Variants in ALG5 observed in about 807,000 individuals in gnomAD.
The protein encoded by ALG5 is dolichyl-phosphate beta-glucosyltransferase.
ALG5 carries 26 observed loss-of-function variants against 51.8 expected under a neutral mutation model. The observed-to-expected ratio is 0.50, with a 90% CI of 0.37 to 0.70. The LOEUF (loss-of-function observed/expected upper bound fraction) is 0.70. Ranked by LOEUF, ALG5 falls within the 30% of genes least tolerant of loss-of-function variation. ALG5 has a pLI of 0.00. For missense variants in ALG5, 311 were observed against 399.3 expected (o/e 0.78, Z 1.88); for synonymous variants, 141 against 136.1 (o/e 1.04, Z -0.25).
chr13:36,983,936 G>A (rs948651529), intron 6 of ALG5, among the ~76,000 whole-genome samples: 3 of 151,160 alleles, frequency 2.0e-5, no homozygotes, highest in Non-Finnish European at 4.4e-5. Flanking sequence ...AATTTGGGGG[G>A]GCCTTATATG....
intron 6 of ALG5, among the ~76,000 whole-genome samples, chr13:36,977,246 G>T (rs1385406138): frequency 6.6e-6 from 1 of 152,192 alleles, no homozygotes; most frequent in Non-Finnish European, 1.5e-5. Flanking sequence ...AACTGCCCAT[G>T]TTAGAAAATG....
chr13:36,975,795 C>A (rs1159424250), intron 6 of ALG5, among the ~76,000 whole-genome samples: 1 of 151,912 alleles, frequency 6.6e-6, no homozygotes, highest in Non-Finnish European at 1.5e-5. Flanking sequence ...CCGAAGTGGG[C>A]ACATCACTTG....
intron 4 of ALG5, among the ~76,000 whole-genome samples, chr13:36,990,987 A>G (rs950616416): frequency 6.6e-6 from 1 of 152,240 alleles, no homozygotes; most frequent in South Asian, 2.1e-4. Context: ...ATCAGTTCAC[A>G]TAAGCCCTGT....
At chr13:36,985,342 A>G (rs1224046881) in intron 6 of ALG5, among the ~76,000 whole-genome samples, 5 of 152,192 alleles carry the variant, frequency 3.3e-5, no homozygotes, top group Non-Finnish European at 5.9e-5. Flanking sequence ...TAAAAGTCTT[A>G]ATTGAATATG....
At chr13:36,991,325 T>C (rs1415263547) in intron 4 of ALG5, among the ~76,000 whole-genome samples, 1 of 150,650 alleles carries the variant, frequency 6.6e-6, no homozygotes, top group Non-Finnish European at 1.5e-5. Context: ...CTAATAGCAA[T>C]GTGTACTACT....
chr13:36,982,873 G>A (rs2058986236), intron 6 of ALG5, among the ~76,000 whole-genome samples: 4 of 152,118 alleles, frequency 2.6e-5, no homozygotes, highest in Admixed American at 2.0e-4. Flanking sequence ...ATTGAGCTGG[G>A]ACACTTAAAT....
intron 1 of ALG5, 32 bp from the exon 2 acceptor site, chr13:36,995,628 CAG>C (rs2059046058): frequency 6.3e-7 from 1 of 1,577,310 alleles, no homozygotes; most frequent in African/African-American, 1.4e-5. Flanking sequence ...TTTTACAAAA[CAG>C]AAATTATGTT....
chr13:36,961,673 T>C (rs9532001), intron 8 of ALG5, among the ~76,000 whole-genome samples: 137,787 of 152,210 alleles, frequency 0.91, 62,533 homozygotes, highest in East Asian at 1. Context: ...TTACTTAAAA[T>C]TTTTTAATCT....
At chr13:36,975,814 C>T (rs897642997) in intron 6 of ALG5, among the ~76,000 whole-genome samples, 6 of 151,696 alleles carry the variant, frequency 4.0e-5, no homozygotes, top group South Asian at 2.1e-4. Flanking sequence ...TGAGACCAGG[C>T]GTTTGAGACC....
chr13:36,995,947 T>G (rs1374526696), intron 1 of ALG5, among the ~76,000 whole-genome samples: 2 of 152,126 alleles, frequency 1.3e-5, no homozygotes, highest in African/African-American at 2.4e-5. Flanking sequence ...ATCCTTAGCG[T>G]GTCTACATGC....
chr13:36,949,982 G>C lies in ALG5; in HGVS notation c.935C>G (p.Thr312Ser). The change falls in exon 10 of 10, where the codon ACT becomes AGT. Residue 312 changes from threonine to serine, a missense_variant. Physicochemically the swap from Thr to Ser is moderately conservative, Grantham distance 58 (BLOSUM62 1). Coordinates refer to ENST00000239891, the MANE Select transcript of ALG5 (RefSeq NM_013338.5). ...DLLFIRLRYL[T>S]GAWRLEQTRK... ...AGTTTGCTCAAGCCTCCAGGCACCA[G>C]TCAAATATCGAAGTCGTATAAAAAG... 2 of 1,613,296 alleles carry C rather than the reference G, an allele frequency of 1.2e-6. No homozygotes were observed. Among genetic ancestry groups the C allele is most frequent in the Non-Finnish European group, 1.7e-6 (2 of 1,179,796 alleles).
rs185039862 is a variant in ALG5, at chr13:36,978,122, A to C, written c.562-6086T>G. The stretch of plus-strand genomic sequence containing the variant: ...AGGATGGTCTCCATCTCCTGACCTC[A>C]TGATCCACCCGCCTCGGCCTCCCAA... On this transcript the variant is annotated intron_variant, in intron 6 of 9. Coordinates refer to ENST00000239891, the MANE Select transcript of ALG5 (RefSeq NM_013338.5). 4.1e-3 allele frequency among the ~76,000 whole-genome samples: 618 copies of C among 150,142 alleles called. 5 individuals carry two copies. Among genetic ancestry groups the C allele is most frequent in the African/African-American group, 0.015 (603 of 40,844 alleles).
intron 5 of ALG5, among the ~76,000 whole-genome samples, chr13:36,988,751 T>C (rs1203274559): frequency 6.6e-6 from 1 of 152,208 alleles, no homozygotes; most frequent in Admixed American, 6.5e-5. Context: ...TGATGGCTAG[T>C]GCTCCAGGAG....
chr13:36,994,849 C>A, intron 3 of ALG5, 140 bp downstream of exon 3: 1 of 697,304 alleles, frequency 1.4e-6, no homozygotes, highest in Non-Finnish European at 2.5e-6. Context: ...TTATGGATAG[C>A]AACAAGCAAG....
intron 1 of ALG5, among the ~76,000 whole-genome samples, chr13:36,997,497 A>G (rs1464034964): frequency 6.6e-6 from 1 of 151,736 alleles, no homozygotes; most frequent in Non-Finnish European, 1.5e-5. Context: ...AAGACAAGGA[A>G]AAGAAAAAAA....
intron 8 of ALG5, among the ~76,000 whole-genome samples, chr13:36,962,384 T>C (rs2058871598): frequency 1.3e-5 from 2 of 152,226 alleles, no homozygotes; most frequent in South Asian, 4.1e-4. Flanking sequence ...CTGATACATG[T>C]ATACTTGGTG....
chr13:36,995,529 A>T lies in ALG5; in HGVS notation c.134T>A (p.Phe45Tyr). ...TTTCTGGCCTTTGGCATTTAAGAAG[A>T]ATTTCTCTTCTTCATGTCGATGGAG... ...PALHRHEEEK[F>Y]FLNAKGQKET... The change falls in exon 2 of 10, where the codon TTC becomes TAC. Residue 45 changes from phenylalanine to tyrosine, a missense_variant. By Grantham distance (22) the Phe-to-Tyr change is conservative. Transcript: ENST00000239891. The T allele has an allele frequency of 6.2e-7, 1 of 1,603,654 alleles. No homozygotes were observed. The highest frequency in any genetic ancestry group is 1.1e-5 in the South Asian group (1 of 87,796).
intron 2 of ALG5, 40 bp downstream of exon 2, chr13:36,995,385 C>T (rs757985517): frequency 2.5e-6 from 4 of 1,569,244 alleles, no homozygotes; most frequent in Non-Finnish European, 2.6e-6. Context: ...CTTTTCTTTT[C>T]CAAACTACCC....
At chr13:36,985,160 T>C (rs933063965) in intron 6 of ALG5, among the ~76,000 whole-genome samples, 1 of 151,938 alleles carries the variant, frequency 6.6e-6, no homozygotes, top group Non-Finnish European at 1.5e-5. Flanking sequence ...GGAATGGTAC[T>C]AGGATTTTAT....
Sources: allele counts gnomAD v4.1 joint callset (sites outside exome capture counted in the v4.1 genomes callset), GRCh38; gene constraint gnomAD v4.1.1; transcripts MANE v1.5; gene names NCBI Gene and HGNC (gene_info 2026-07-23, HGNC 2026-07-21).